Variants in OPLAH observed in about 807,000 individuals in gnomAD.
OPLAH encodes the protein 5-oxoprolinase, ATP-hydrolysing.
Under a neutral mutation model 122.8 loss-of-function variants are expected in OPLAH, and 103 were observed. The ratio of observed to expected loss-of-function variants is 0.84; its 90% CI spans 0.71 to 0.99. The LOEUF (loss-of-function observed/expected upper bound fraction) is 0.99, where lower values mean the gene tolerates loss of function less well. OPLAH is among the 50% of genes least tolerant of loss of function. The pLI is 0.00. For missense variants in OPLAH, 1,902 were observed against 1,836.5 expected (o/e 1.04, Z -0.65); for synonymous variants, 875 against 796.0 (o/e 1.10, Z -1.67).
rs782479149 is a variant in OPLAH at position 144,057,478 on chromosome 8, G to A, written c.1392C>T (p.Ala464=). Residue 464 remains alanine (A), a synonymous_variant, in exon 10 of 27, where the codon GCC becomes GCT. Transcript: ENST00000618853. ...TGAGTGCACGGATGGGCCGGCACAT[G>A]GCCTCGTTGGCCACGCGCACGAACC... is the stretch of plus-strand genomic sequence containing the variant. ...AMGFVRVANE[A]MCRPIRALTQ... 5 of 1,592,818 alleles carry A rather than the reference G, an allele frequency of 3.1e-6. No homozygotes were observed. The South Asian group carries it at 3.4e-5, about 11-fold the overall frequency.
chr8:144,057,697 C>T lies in OPLAH; in HGVS notation c.1173G>A (p.Val391=). 2 of 1,609,250 alleles carry T rather than the reference C, an allele frequency of 1.2e-6. No homozygotes were observed. Among genetic ancestry groups the T allele is most frequent in the Non-Finnish European group, 1.7e-6 (2 of 1,177,946 alleles). Reference sequence around the variant, plus strand: ...GACCCAGGACCAGATTAGCATCCGTCACTGTCACAGGGCCCCCTGGGAGGT... The same window carrying T: ...GACCCAGGACCAGATTAGCATCCGTTACTGTCACAGGGCCCCCTGGGAGGT... ...ACYRKGGPVT[V]TDANLVLGRL... is the part of the protein sequence containing the mutation. The change falls in exon 10 of 27, where the codon GTG becomes GTA. Residue 391 remains valine (V), a synonymous_variant. Transcript: ENST00000618853.
At chr8:144,059,531 C>A in intron 3 of OPLAH, 68 bp downstream of exon 3, 1 of 1,494,398 alleles carries the variant, frequency 6.7e-7, no homozygotes, top group African/African-American at 1.4e-5. Context: ...CTGCTCTCCC[C>A]ACAGGGTCAA....
Position 144,051,330 on chromosome 8 carries a change from A to G in OPLAH, c.3863T>C (p.Val1288Ala). Residue 1288 changes from valine to alanine, a missense_variant, in exon 27 of 27, where the codon GTG (valine) becomes GCG (alanine). By Grantham distance (64) the Val-to-Ala change is moderately conservative (BLOSUM62 0). Coordinates refer to ENST00000618853, the MANE Select transcript of OPLAH (RefSeq NM_017570.5). ...GGCATCTTTATTGCGGGATCCTCAC[A>G]CGGCCTCCTGGGCCCGGCGATACTC... ...VYEYRRAQEA[V>A] The G allele has an allele frequency of 5.0e-6, 8 of 1,611,552 alleles. No homozygotes were observed. Among genetic ancestry groups the G allele is most frequent in the Non-Finnish European group, 6.8e-6 (8 of 1,179,324 alleles).
chr8:144,062,143 C>G (rs1453865951), upstream of OPLAH, among the ~76,000 whole-genome samples: 1 of 152,080 alleles, frequency 6.6e-6, no homozygotes, highest in Admixed American at 6.6e-5. Flanking sequence ...GCCCTGAATT[C>G]TTTCTTTCAA....
chr8:144,058,210 C>A (rs1228962015), intron 7 of OPLAH, 29 bp downstream of exon 7: 1 of 1,604,568 alleles, frequency 6.2e-7, no homozygotes, highest in African/African-American at 1.3e-5. Flanking sequence ...GCTGAGCCTC[C>A]CCGAGACCCC....
chr8:144,059,720 G>A lies in OPLAH; in HGVS notation c.242C>T (p.Thr81Ile). ...SSHIASIRMG[T>I]TVATNALLER... The stretch of plus-strand genomic sequence containing the variant: ...CAGCAGTGCGTTGGTGGCCACTGTG[G>A]TGCCCATGCGGATGCTGGCGATATG... The change falls in exon 3 of 27, where the codon ACC (threonine) becomes ATC (isoleucine). Residue 81 changes from threonine (T) to isoleucine (I), a missense_variant. By Grantham distance (89) the Thr-to-Ile change is moderately conservative (BLOSUM62 -1). This residue lies in a region of OPLAH where 168 missense variants were observed against 170.6 expected (regional missense o/e 0.98). Transcript: ENST00000618853. 2 of 1,611,516 alleles carry A rather than the reference G, an allele frequency of 1.2e-6. No individual in the cohort carries two copies. Among genetic ancestry groups the A allele is most frequent in the Non-Finnish European group, 8.5e-7 (1 of 1,179,768 alleles).
chr8:144,056,876 C>G (rs944512372), intron 12 of OPLAH, 72 bp downstream of exon 12: 1 of 1,517,364 alleles, frequency 6.6e-7, no homozygotes, highest in East Asian at 2.4e-5. Context: ...GGGAAGTCAT[C>G]AGGAGGAACA....
chr8:144,058,175 C>A, intron 7 of OPLAH, 27 bp from the exon 8 acceptor site: 1 of 1,609,984 alleles, frequency 6.2e-7, no homozygotes, highest in Admixed American at 1.7e-5. Flanking sequence ...GCTGGTGGGT[C>A]ACTTGAAGAC....
chr8:144,051,660 T>C, intron 26 of OPLAH, 69 bp downstream of exon 26: 5 of 1,102,870 alleles, frequency 4.5e-6, no homozygotes, highest in Non-Finnish European at 6.2e-6. Flanking sequence ...CTGCAACTGT[T>C]CCCCCTCTGT....
Position 144,051,273 on chromosome 8 carries a change from C to T in OPLAH, c.*53G>A, listed in dbSNP as rs1393507612. 3.6e-5 allele frequency: 58 copies of T among 1,604,188 alleles called. No homozygotes were observed. Among genetic ancestry groups the T allele is most frequent in the Non-Finnish European group, 4.8e-5 (56 of 1,176,696 alleles). ...ACGACTCGGAGCACGAACTAGGCGC[C>T]GTAGCTGCGTCCCCAGAACCGGGAG... On this transcript the variant is annotated 3_prime_UTR_variant, in exon 27 of 27. Transcript: ENST00000618853.
Position 144,055,662 on chromosome 8 carries a change from G to A in OPLAH, c.2248+126C>T. 1.7e-6 allele frequency: 2 copies of A among 1,202,658 alleles called. No individual in the cohort carries two copies. Among genetic ancestry groups the A allele is most frequent in the South Asian group, 3.5e-5 (2 of 57,140 alleles). 74.5% of individuals were successfully genotyped at this position (1,202,658 alleles called of 1,614,324 possible). On this transcript the variant is annotated intron_variant, in intron 16 of 26. Coordinates refer to ENST00000618853, the MANE Select transcript of OPLAH (RefSeq NM_017570.5). This position sits in a 1 kb window ranked among gnomAD's most constrained non-coding sequence, Gnocchi z 6.5. Reference sequence around the variant, plus strand: ...CCAACTGCACCACACCAGTGCTGCGGCCACACTGCCCGCCCCGTCGCCAGG... The same window carrying A: ...CCAACTGCACCACACCAGTGCTGCGACCACACTGCCCGCCCCGTCGCCAGG...
downstream of OPLAH, chr8:144,051,006 G>A (rs1416227696): frequency 5.4e-5 from 61 of 1,123,632 alleles, no homozygotes; most frequent in Non-Finnish European, 6.1e-5. Context: ...AAGCCGCCGA[G>A]CTAAGCCCTG....
upstream of OPLAH, among the ~76,000 whole-genome samples, chr8:144,061,338 T>G (rs1835659845): frequency 6.6e-6 from 1 of 152,130 alleles, no homozygotes; most frequent in African/African-American, 2.4e-5. Context: ...CCAACACGGT[T>G]GAAACCCCCT....
intron 25 of OPLAH, 21 bp downstream of exon 25, chr8:144,051,895 G>A: frequency 6.5e-7 from 1 of 1,529,478 alleles, no homozygotes; most frequent in African/African-American, 1.4e-5. Flanking sequence ...GGAGGGCCGC[G>A]AGGGCTGGGG....
intron 19 of OPLAH, 91 bp downstream of exon 19, chr8:144,054,470 G>T: frequency 7.3e-7 from 1 of 1,362,082 alleles, no homozygotes; most frequent in Non-Finnish European, 9.9e-7. Context: ...GGGCCTATGG[G>T]CTGCATCCCA....
In OPLAH at chr8:144,060,005, A is replaced by C; in HGVS notation, c.28T>G (p.Phe10Val). 1 of 1,612,628 alleles carries C rather than the reference A, an allele frequency of 6.2e-7. No homozygotes were observed. The change falls in exon 2 of 27, where the codon TTT becomes GTT. Residue 10 changes from phenylalanine to valine, a missense_variant. Phe to Val is a conservative substitution (Grantham distance 50). Coordinates refer to ENST00000618853, the MANE Select transcript of OPLAH (RefSeq NM_017570.5). MGSPEGRFH[F>V]AIDRGGTFTD... ...AAGGTACCCCCACGGTCGATGGCAA[A>C]GTGGAAGCGGCCCTCGGGGCTGCCC...
Position 144,053,366 on chromosome 8 carries a change from C to A in OPLAH, c.2714G>T (p.Gly905Val), listed in dbSNP as rs2129764404. The A allele has an allele frequency of 6.2e-7, 1 of 1,612,018 alleles. No individual in the cohort carries two copies. Among genetic ancestry groups the A allele is most frequent in the Admixed American group, 1.7e-5 (1 of 59,938 alleles). Reference protein sequence around the residue: ...EAVTEALRAPGKVPNCSGTRN... With the variant: ...EAVTEALRAPVKVPNCSGTRN... ...GGTTCCGCTGCAGTTGGGGACCTTG[C>A]CTGGCGCCCGCAGGGCCTCCGTCAC... Residue 905 changes from glycine (G) to valine (V), a missense_variant, in exon 20 of 27, where the codon GGC (glycine) becomes GTC (valine). Physicochemically the swap from Gly to Val is moderately radical, Grantham distance 109. This residue lies in a region of OPLAH where 1,726 missense variants were observed against 1,642.1 expected (regional missense o/e 1.05). Transcript: ENST00000618853.
chr8:144,060,193 T>G, intron 1 of OPLAH, 108 bp from the exon 2 acceptor site: 2 of 804,788 alleles, frequency 2.5e-6, no homozygotes, highest in East Asian at 2.7e-5. Flanking sequence ...GGCACGACTC[T>G]GGGAAGAGCC....
rs782200056 is a variant in OPLAH, at chr8:144,058,653, C to T, written c.626G>A (p.Arg209Gln). 48 of 1,598,190 alleles carry T rather than the reference C, an allele frequency of 3.0e-5. No homozygotes were observed. The highest frequency in any genetic ancestry group is 1.7e-4 in the Middle Eastern group (1 of 6,056). ...QHEQQVGVLA[R>Q]ELGFTHVSLS... ...TGACACGTGCGTGAAGCCCAGCTCC[C>T]GGGCCAGCACACCCACCTGCTGCTC... The change falls in exon 6 of 27, where the codon CGG becomes CAG. Residue 209 changes from arginine to glutamine, a missense_variant. Around this residue, in one of 3 missense-constraint regions of OPLAH, gnomAD observed 1,726 missense variants for 1,642.1 expected, o/e 1.05. Transcript: ENST00000618853.
Sources: gnomAD v4.1 joint callset for allele counts (sites outside exome capture counted in the v4.1 genomes callset) on GRCh38, gnomAD v4.1.1 for gene constraint, gnomAD v4.1.1 regional missense constraint, Gnocchi (gnomAD v3.1) non-coding constraint, MANE v1.5 for transcripts, NCBI Gene and HGNC (gene_info 2026-07-23, HGNC 2026-07-21) for gene names.